The following ANKFN1 variants were observed in gnomAD, a reference collection of about 807,000 sequenced individuals.
ANKFN1 encodes ankyrin repeat and fibronectin type-III domain-containing protein 1.
Under a neutral mutation model 108.7 loss-of-function variants are expected in ANKFN1, and 74 were observed. The ratio of observed to expected loss-of-function variants is 0.68; its 90% CI spans 0.56 to 0.83. ANKFN1 has a LOEUF of 0.83. Ranked by LOEUF, ANKFN1 falls within the 40% of genes least tolerant of loss-of-function variation. ANKFN1 has a pLI of 0.00. For synonymous variants in ANKFN1, 547 were observed against 516.2 expected (o/e 1.06, Z -0.81); for missense variants, 1,505 against 1,382.3 (o/e 1.09, Z -1.41).
intron 4 of ANKFN1, among the ~76,000 whole-genome samples, chr17:56,094,504 G>GAA: frequency 9.5e-6 from 1 of 104,994 alleles, no homozygotes; most frequent in East Asian, 2.7e-4. Flanking sequence ...TTTTTGAGGC[G>GAA]AAGTCTTGTT....
chr17:56,472,554 T>G (rs896197060), intron 15 of ANKFN1: 7 of 152,198 alleles, frequency 4.6e-5, no homozygotes, highest in Non-Finnish European at 1.0e-4. Flanking sequence ...CACTTCATAT[T>G]TAATGAATAA....
chr17:56,299,143 C>T (rs1274607578), intron 3 of ANKFN1, among the ~76,000 whole-genome samples: 1 of 152,212 alleles, frequency 6.6e-6, no homozygotes, highest in East Asian at 1.9e-4. Flanking sequence ...ATCTTATACT[C>T]ATTTTCTGGG....
At chr17:56,465,777 T>C (rs539043155) in intron 14 of ANKFN1, among the ~76,000 whole-genome samples, 1 of 152,208 alleles carries the variant, frequency 6.6e-6, no homozygotes, top group Non-Finnish European at 1.5e-5. Flanking sequence ...TTTTAACAGA[T>C]TTTTAAATAA....
chr17:56,168,415 C>A (rs1388415778), intron 1 of ANKFN1, among the ~76,000 whole-genome samples: 6 of 152,122 alleles, frequency 3.9e-5, no homozygotes, highest in Non-Finnish European at 5.9e-5. Context: ...TGAATTGGGA[C>A]AAGTTGTATA....
At chr17:56,266,730 G>A (rs768232219) in intron 3 of ANKFN1, among the ~76,000 whole-genome samples, 15 of 151,982 alleles carry the variant, frequency 9.9e-5, no homozygotes, top group Admixed American at 6.6e-4. Flanking sequence ...GTTAAAGACC[G>A]TGTAATTCAA....
chr17:56,239,018 G>T (rs1437676121), intron 3 of ANKFN1, among the ~76,000 whole-genome samples: 2 of 152,102 alleles, frequency 1.3e-5, no homozygotes, highest in African/African-American at 4.8e-5. Context: ...TAAGTCTTCA[G>T]CAGGCAGTTT....
intron 3 of ANKFN1, among the ~76,000 whole-genome samples, chr17:56,309,316 A>G (rs1293457774): frequency 1.3e-5 from 2 of 152,194 alleles, no homozygotes; most frequent in African/African-American, 4.8e-5. Flanking sequence ...ATTTCATTAC[A>G]GGTATCAAAT....
chr17:56,471,920 G>A (rs1236611853), intron 15 of ANKFN1: 2 of 152,234 alleles, frequency 1.3e-5, no homozygotes, highest in Non-Finnish European at 2.9e-5. Flanking sequence ...TAATGAATGT[G>A]TGGTTTCTTT....
At chr17:56,095,078 C>G (rs1036490570) in intron 4 of ANKFN1, among the ~76,000 whole-genome samples, 1 of 150,986 alleles carries the variant, frequency 6.6e-6, no homozygotes, top group Non-Finnish European at 1.5e-5. Flanking sequence ...GAAACAGCTT[C>G]TTTAGAGAGA....
chr17:56,445,148 G>A (rs1414787917), intron 10 of ANKFN1, among the ~76,000 whole-genome samples: 1 of 152,218 alleles, frequency 6.6e-6, no homozygotes, highest in African/African-American at 2.4e-5. Context: ...AGGATAAAAG[G>A]AACCAATCTC....
chr17:56,320,978 C>T (rs2045350024), intron 3 of ANKFN1, among the ~76,000 whole-genome samples: 2 of 150,832 alleles, frequency 1.3e-5, no homozygotes, highest in African/African-American at 4.9e-5. Flanking sequence ...GAGACCGTTA[C>T]TTTTAGTCTG....
chr17:56,165,084 T>G (rs1175466692), intron 1 of ANKFN1, among the ~76,000 whole-genome samples: 1 of 152,212 alleles, frequency 6.6e-6, no homozygotes, highest in Non-Finnish European at 1.5e-5. Flanking sequence ...CCTTATGAAC[T>G]TTAAGCTCTG....
In ANKFN1 at chr17:56,516,272, G is replaced by A. The variant is rs1034706306; in HGVS notation, c.*5003G>A. On this transcript the variant is annotated 3_prime_UTR_variant, in exon 21 of 21. Coordinates refer to ENST00000682825, the MANE Select transcript of ANKFN1 (RefSeq NM_001370326.1). ...TTTTTAAAAAAGTGTGTGTGTGTGT[G>A]TGTGTGTGTGCGTGTGTGGTGGTGT... 3.1e-4 allele frequency among the ~76,000 whole-genome samples: 47 copies of A among 152,088 alleles called. No individual in the cohort carries two copies. Among genetic ancestry groups the A allele is most frequent in the Admixed American group, 2.1e-3 (32 of 15,290 alleles).
intron 4 of ANKFN1, among the ~76,000 whole-genome samples, chr17:56,080,921 G>A (rs17759134): frequency 0.1 from 15,580 of 152,094 alleles, 1,107 homozygotes; most frequent in Non-Finnish European, 0.16. Flanking sequence ...GGCTTATCAC[G>A]CAATCCCTCC....
At chr17:56,369,110 T>TTA (rs2046742314) in intron 6 of ANKFN1, among the ~76,000 whole-genome samples, 1 of 152,228 alleles carries the variant, frequency 6.6e-6, no homozygotes, top group Admixed American at 6.5e-5. Flanking sequence ...CGCACACCTT[T>TTA]CTTTAGCATG....
intron 3 of ANKFN1, among the ~76,000 whole-genome samples, chr17:56,290,136 C>G (rs990303819): frequency 6.6e-6 from 1 of 152,112 alleles, no homozygotes; most frequent in Non-Finnish European, 1.5e-5. Flanking sequence ...CTCTCCAATT[C>G]TGTTTTCCTC....
chr17:56,103,551 T>A (rs188426206), intron 4 of ANKFN1, among the ~76,000 whole-genome samples: 1 of 152,238 alleles, frequency 6.6e-6, no homozygotes, highest in South Asian at 2.1e-4. Flanking sequence ...CCGAGTCCCA[T>A]TGGGTGTGTG....
chr17:56,481,801 A>C (rs1010034598), intron 17 of ANKFN1, among the ~76,000 whole-genome samples: 2 of 152,208 alleles, frequency 1.3e-5, no homozygotes, highest in African/African-American at 2.4e-5. Flanking sequence ...GGAGAAAAAA[A>C]AGTAAGAGCT....
intron 8 of ANKFN1, among the ~76,000 whole-genome samples, chr17:56,393,121 G>A (rs981091067): frequency 2.6e-5 from 4 of 152,070 alleles, no homozygotes; most frequent in South Asian, 2.1e-4. Context: ...AAGGCCCACC[G>A]TTAAACAAAA....
Sources: allele counts gnomAD v4.1 joint callset (sites outside exome capture counted in the v4.1 genomes callset), GRCh38; gene constraint gnomAD v4.1.1; transcripts MANE v1.5; gene names NCBI Gene and HGNC (gene_info 2026-07-23, HGNC 2026-07-21).